The following PDE1C variants were observed in gnomAD, a reference collection of about 807,000 sequenced individuals.
PDE1C encodes the protein phosphodiesterase 1C, also known as dual specificity calcium/calmodulin-dependent 3',5'-cyclic nucleotide phosphodiesterase 1C.
In PDE1C, 62 loss-of-function variants were observed where a neutral mutation model predicts 93.1. The ratio of observed to expected loss-of-function variants is 0.67; its 90% CI spans 0.54 to 0.82. PDE1C has a LOEUF of 0.82. PDE1C is among the 40% of genes least tolerant of loss of function. The probability of loss-of-function intolerance (pLI) is 0.00; values close to 1 mark genes in which losing one functional copy is unlikely to be tolerated. For missense variants in PDE1C, 742 were observed against 884.6 expected, an observed-to-expected ratio of 0.84 and a Z score of 2.04; for synonymous variants, 325 against 310.1, an observed-to-expected ratio of 1.05 and a Z score of -0.50.
At chr7:32,055,955 A>G (rs753598781) in intron 1 of PDE1C, among the ~76,000 whole-genome samples, 3 of 152,152 alleles carry the variant, frequency 2.0e-5, no homozygotes, top group Non-Finnish European at 4.4e-5. Context: ...CCTGACCTCA[A>G]GTGATCTGTC....
chr7:32,118,960 A>C (rs1222752749), intron 3 of PDE1C, among the ~76,000 whole-genome samples: 2 of 152,180 alleles, frequency 1.3e-5, no homozygotes, highest in Non-Finnish European at 2.9e-5. Context: ...GAATTCCTCC[A>C]GGATGGGGGG....
intron 1 of PDE1C, among the ~76,000 whole-genome samples, chr7:32,305,618 C>G (rs1021863608): frequency 6.6e-6 from 1 of 152,224 alleles, no homozygotes; most frequent in African/African-American, 2.4e-5. Flanking sequence ...GACAAAGCTT[C>G]TACACACTTG....
Position 32,396,386 on chromosome 7 carries a change from G to T in PDE1C, c.310+31436C>A, listed in dbSNP as rs147943162. On this transcript the variant is annotated intron_variant, in intron 1 of 1. Coordinates refer to the PDE1C transcript ENST00000672256. ...CCAGCTACTAGGGAGACTGAAGTGA[G>T]AGGATCACTTGAGCCCAGGAGGTCG... 1.9e-4 allele frequency among the ~76,000 whole-genome samples: 29 copies of T among 152,262 alleles called. No homozygotes were observed. The East Asian group carries it at 5.4e-3, about 28-fold the overall frequency.
intron 6 of PDE1C, among the ~76,000 whole-genome samples, chr7:31,872,585 G>A (rs73306527): frequency 0.022 from 3,391 of 152,034 alleles, 121 homozygotes; most frequent in African/African-American, 0.078. Context: ...CCACATCTCC[G>A]GAGAAATCAA....
At chr7:31,968,190 G>A (rs1424464394) in intron 2 of PDE1C, among the ~76,000 whole-genome samples, 2 of 152,192 alleles carry the variant, frequency 1.3e-5, no homozygotes, top group Non-Finnish European at 2.9e-5. Context: ...CAGATGACAT[G>A]ACTGTATATC....
upstream of PDE1C, among the ~76,000 whole-genome samples, chr7:32,300,162 C>G (rs1051286396): frequency 6.6e-6 from 1 of 152,128 alleles, no homozygotes; most frequent in African/African-American, 2.4e-5. Flanking sequence ...CCCATTAAAA[C>G]CCCCAAGCCT....
At chr7:31,991,840 T>C (rs1784177195) in intron 2 of PDE1C, among the ~76,000 whole-genome samples, 7 of 152,232 alleles carry the variant, frequency 4.6e-5, no homozygotes, top group Admixed American at 4.6e-4. Context: ...ACTAGTAGCA[T>C]ACTTAACAAC....
At chr7:32,380,396 C>A (rs1784510757) in intron 1 of PDE1C, among the ~76,000 whole-genome samples, 1 of 126,226 alleles carries the variant, frequency 7.9e-6, no homozygotes, top group Admixed American at 9.2e-5. Flanking sequence ...TGCCACCATG[C>A]CCGGCTAATT....
upstream of PDE1C, among the ~76,000 whole-genome samples, chr7:32,075,764 C>T (rs1796314271): frequency 1.3e-5 from 2 of 152,076 alleles, no homozygotes; most frequent in South Asian, 4.1e-4. Flanking sequence ...AGGGGCAGCC[C>T]GATGTAGTCT....
intron 1 of PDE1C, among the ~76,000 whole-genome samples, chr7:32,323,581 G>T (rs1457154165): frequency 6.6e-6 from 1 of 152,164 alleles, no homozygotes; most frequent in Non-Finnish European, 1.5e-5. Context: ...GTGGCATGTT[G>T]CCAGCCCCCA....
intron 1 of PDE1C, among the ~76,000 whole-genome samples, chr7:32,249,557 A>C (rs1809210037): frequency 6.6e-6 from 1 of 152,198 alleles, no homozygotes. Flanking sequence ...AAGGACACCC[A>C]AAATCTATTT....
intron 16 of PDE1C, chr7:31,787,973 A>T (rs2128653198): frequency 6.6e-6 from 1 of 152,310 alleles, no homozygotes; most frequent in South Asian, 2.1e-4. Context: ...GCTAAGAGTG[A>T]GTTACATGGA....
chr7:32,030,078 AACAC>A (rs376919544), intron 2 of PDE1C, among the ~76,000 whole-genome samples: 10,226 of 133,882 alleles, frequency 0.076, 397 homozygotes, highest in Middle Eastern at 0.1. Context: ...TGCATATTAT[AACAC>A]ACACACACAC....
At chr7:32,277,010 T>C (rs1811330918) in intron 1 of PDE1C, among the ~76,000 whole-genome samples, 1 of 152,130 alleles carries the variant, frequency 6.6e-6, no homozygotes, top group African/African-American at 2.4e-5. Flanking sequence ...CCCAGCACTT[T>C]GGGAGACTAA....
At chr7:31,845,332 T>G (rs777471331) in intron 9 of PDE1C, among the ~76,000 whole-genome samples, 1 of 152,188 alleles carries the variant, frequency 6.6e-6, no homozygotes, top group Non-Finnish European at 1.5e-5. Flanking sequence ...TCACTTAGAT[T>G]GTATCCTGAA....
chr7:31,806,993 G>C (rs1472092029), intron 16 of PDE1C, among the ~76,000 whole-genome samples: 2 of 151,682 alleles, frequency 1.3e-5, no homozygotes, highest in Admixed American at 1.3e-4. Context: ...AAAAGAAAAG[G>C]ATAGGTGGGA....
At chr7:32,305,407 T>C (rs1245320664) in intron 1 of PDE1C, among the ~76,000 whole-genome samples, 1 of 152,220 alleles carries the variant, frequency 6.6e-6, no homozygotes, top group Non-Finnish European at 1.5e-5. Context: ...CCCTCTTTCC[T>C]GAGCAATCCT....
intron 11 of PDE1C, among the ~76,000 whole-genome samples, chr7:31,834,599 T>C (rs1033545952): frequency 3.9e-5 from 6 of 152,052 alleles, no homozygotes; most frequent in Non-Finnish European, 7.4e-5. Flanking sequence ...GCATAGGCCC[T>C]GTAACCCCTT....
At chr7:32,288,014 C>T (rs1812101374) in intron 1 of PDE1C, among the ~76,000 whole-genome samples, 1 of 152,116 alleles carries the variant, frequency 6.6e-6, no homozygotes, top group Admixed American at 6.6e-5. Flanking sequence ...ACCAGCCTGG[C>T]TAACATGGTG....
Sources: allele counts gnomAD v4.1 joint callset (sites outside exome capture counted in the v4.1 genomes callset), GRCh38; gene constraint gnomAD v4.1.1; transcripts MANE v1.5; gene names NCBI Gene and HGNC (gene_info 2026-07-23, HGNC 2026-07-21).